WDFY4: variants seen among roughly 807,000 people sequenced by gnomAD.
WDFY4 encodes the protein WDFY family member 4.
Under a neutral mutation model 351.9 loss-of-function variants are expected in WDFY4, and 169 were observed. The observed-to-expected ratio is 0.48, with a 90% CI of 0.42 to 0.55. WDFY4 has a LOEUF of 0.55. Among genes scored for constraint, WDFY4 ranks in the 20% least tolerant of loss-of-function variants. The pLI, the probability that WDFY4 is intolerant of heterozygous loss-of-function variation, is 0.00. For synonymous variants in WDFY4, 1,622 were observed against 1,574.6 expected (o/e 1.03, Z -0.71); for missense variants, 3,803 against 3,935.6 (o/e 0.97, Z 0.90).
intron 5 of WDFY4, among the ~76,000 whole-genome samples, chr10:48,724,277 A>T: frequency 6.6e-6 from 1 of 152,102 alleles, no homozygotes; most frequent in East Asian, 1.9e-4. Context: ...CACACAGAGC[A>T]GGTGCCTGTG....
chr10:48,754,941 A>C (rs944853913), intron 12 of WDFY4, among the ~76,000 whole-genome samples: 5 of 152,112 alleles, frequency 3.3e-5, no homozygotes, highest in Non-Finnish European at 7.4e-5. Flanking sequence ...TTATTATTTC[A>C]ATTCACATGA....
At chr10:48,828,670 T>A in intron 36 of WDFY4, 108 bp from the exon 37 acceptor site, 1 of 641,564 alleles carries the variant, frequency 1.6e-6, no homozygotes, top group Non-Finnish European at 2.5e-6. Context: ...TTTTCCATAT[T>A]GATATAGATA....
At chr10:48,716,602 C>A (rs1018564645) in intron 2 of WDFY4, among the ~76,000 whole-genome samples, 4 of 152,092 alleles carry the variant, frequency 2.6e-5, no homozygotes, top group Admixed American at 2.6e-4. Context: ...AAAGAGTTAA[C>A]GCAGCTTCCA....
At chr10:48,853,960 C>G (rs879730055) in intron 39 of WDFY4, among the ~76,000 whole-genome samples, 1 of 152,156 alleles carries the variant, frequency 6.6e-6, no homozygotes, top group Non-Finnish European at 1.5e-5. Context: ...AACTTTGAAC[C>G]CTGGAATGGA....
chr10:48,716,025 T>C (rs76203261), intron 2 of WDFY4, among the ~76,000 whole-genome samples: 6,194 of 152,264 alleles, frequency 0.041, 192 homozygotes, highest in Non-Finnish European at 0.067. Context: ...CTCCTGACTC[T>C]ACCCCATCTT....
intron 50 of WDFY4, 27 bp downstream of exon 50, chr10:48,946,184 T>C (rs1004363054): frequency 2.0e-6 from 3 of 1,499,272 alleles, no homozygotes; most frequent in Admixed American, 2.0e-5. Context: ...TGATTTTTGG[T>C]GCAGTGTTAT....
rs2132915518 is a variant in WDFY4, at chr10:48,810,712, C to A, written c.5021C>A (p.Thr1674Asn). 3 of 1,545,976 alleles carry A rather than the reference C, an allele frequency of 1.9e-6. No individual in the cohort carries two copies. Among genetic ancestry groups the A allele is most frequent in the East Asian group, 2.4e-5 (1 of 40,864 alleles). Residue 1674 changes from threonine to asparagine, a missense_variant, in exon 29 of 62, where the codon ACT (threonine) becomes AAT (asparagine). Around this residue, in one of 3 missense-constraint regions of WDFY4, gnomAD observed 3,054 missense variants for 3,148.6 expected, o/e 0.97. Coordinates refer to ENST00000325239, the MANE Select transcript of WDFY4 (RefSeq NM_001394531.1). Reference sequence around the variant, plus strand: ...GCAGGATCCTGGGTGGAACGCAGCACTGAGGGCGTGGATATTGTAATGGGT... The same window carrying A: ...GCAGGATCCTGGGTGGAACGCAGCAATGAGGGCGTGGATATTGTAATGGGT... The part of the protein sequence containing the change: ...LCAGSWVERS[T>N]EGVDIVMDNL...
intron 13 of WDFY4, among the ~76,000 whole-genome samples, chr10:48,767,054 T>C (rs773475186): frequency 6.6e-6 from 1 of 152,310 alleles, no homozygotes; most frequent in East Asian, 1.9e-4. Context: ...TTATGACCCA[T>C]ATGAGATACT....
At chr10:48,914,055 A>C (rs1341491104) in intron 47 of WDFY4, 5 of 1,614,172 alleles carry the variant, frequency 3.1e-6, no homozygotes, top group Non-Finnish European at 3.4e-6. Context: ...CATCTTGCTC[A>C]AGTCAAGGCG....
intron 42 of WDFY4, among the ~76,000 whole-genome samples, chr10:48,876,276 A>G (rs922639272): frequency 4.6e-5 from 7 of 152,252 alleles, no homozygotes; most frequent in Non-Finnish European, 1.0e-4. Context: ...ATGAAAGTAA[A>G]TGGACCAAAT....
At position 48,814,016 on chromosome 10, in the gene WDFY4, C is replaced by T; in HGVS notation, c.5274C>T (p.Leu1758=). Residue 1758 remains leucine (L), a synonymous_variant, in exon 31 of 62, where the codon CTC becomes CTT. Coordinates refer to ENST00000325239, the MANE Select transcript of WDFY4 (RefSeq NM_001394531.1). ...AGAGGCACCACCAGGAAGAAGTCCT[C>T]CAGGCTGGGCTGTGCACAGAAGGTG... The part of the protein sequence containing the change: ...LLQRHHQEEV[L]QAGLCTEGAL... 1.3e-6 allele frequency: 2 copies of T among 1,550,840 alleles called. No homozygotes were observed. Among genetic ancestry groups the T allele is most frequent in the East Asian group, 2.4e-5 (1 of 40,896 alleles).
intron 39 of WDFY4, among the ~76,000 whole-genome samples, chr10:48,841,227 T>G (rs891778755): frequency 6.6e-6 from 1 of 152,226 alleles, no homozygotes; most frequent in African/African-American, 2.4e-5. Flanking sequence ...AGCTCTTGAG[T>G]GGTAGCAAGG....
At chr10:48,884,534 A>G (rs2070379914) in intron 43 of WDFY4, among the ~76,000 whole-genome samples, 2 of 151,990 alleles carry the variant, frequency 1.3e-5, no homozygotes, top group South Asian at 2.1e-4. Flanking sequence ...ACACACATAC[A>G]TGTGTGCATA....
chr10:48,945,433 C>A (rs937539345), intron 49 of WDFY4, among the ~76,000 whole-genome samples: 1 of 152,102 alleles, frequency 6.6e-6, no homozygotes, highest in Admixed American at 6.5e-5. Flanking sequence ...GAAATGCAAA[C>A]CCCAGCAATT....
intron 52 of WDFY4, among the ~76,000 whole-genome samples, chr10:48,958,077 C>T (rs1315333367): frequency 1.3e-5 from 2 of 152,198 alleles, no homozygotes; most frequent in African/African-American, 4.8e-5. Context: ...CCTTCTGCCT[C>T]CGGACAGCAC....
intron 9 of WDFY4, among the ~76,000 whole-genome samples, chr10:48,732,669 T>C (rs546468419): frequency 6.6e-6 from 1 of 152,342 alleles, no homozygotes; most frequent in African/African-American, 2.4e-5. Flanking sequence ...GGTAATGATG[T>C]TGACATCATT....
At chr10:48,974,190 A>C (rs1171042721) in intron 57 of WDFY4, among the ~76,000 whole-genome samples, 1 of 152,160 alleles carries the variant, frequency 6.6e-6, no homozygotes. Context: ...GTTTGCCAAC[A>C]GTGCTTTGTA....
intron 41 of WDFY4, among the ~76,000 whole-genome samples, chr10:48,874,744 G>C (rs185697639): frequency 8.7e-4 from 133 of 152,284 alleles, no homozygotes; most frequent in African/African-American, 3.2e-3. Context: ...TGGTCTCTGG[G>C]GCTGTCCAGC....
At chr10:48,726,956 G>C (rs529250858) in intron 6 of WDFY4, among the ~76,000 whole-genome samples, 26 of 152,176 alleles carry the variant, frequency 1.7e-4, no homozygotes, top group African/African-American at 6.3e-4. Flanking sequence ...AAGCCCCATG[G>C]CCTGTCCCCT....
Sources: gnomAD v4.1 joint callset for allele counts (sites outside exome capture counted in the v4.1 genomes callset) on GRCh38, gnomAD v4.1.1 for gene constraint, gnomAD v4.1.1 regional missense constraint, MANE v1.5 for transcripts, NCBI Gene and HGNC (gene_info 2026-07-23, HGNC 2026-07-21) for gene names.